KCNH4: variants seen among roughly 807,000 people sequenced by gnomAD.
The protein encoded by KCNH4 is voltage-gated delayed rectifier potassium channel KCNH4.
A neutral mutation model predicts 90.7 loss-of-function variants in KCNH4; 33 were observed. That is an observed-to-expected ratio of 0.36 (90% CI 0.28 to 0.49). KCNH4 has a LOEUF of 0.49. Ranked by LOEUF, KCNH4 falls within the 20% of genes least tolerant of loss-of-function variation. KCNH4 has a pLI of 0.98. For synonymous variants in KCNH4, 551 were observed against 581.7 expected, an observed-to-expected ratio of 0.95 and a Z score of 0.76; for missense variants, 1,044 against 1,387.1, an observed-to-expected ratio of 0.75 and a Z score of 3.93.
At position 42,163,122 on chromosome 17, in the gene KCNH4, C is replaced by T; in HGVS notation, c.2584+106G>A. On this transcript the variant is annotated intron_variant, in intron 14 of 16. Transcript: ENST00000264661. This position sits in a 1 kb window ranked among gnomAD's most constrained non-coding sequence, Gnocchi z 5.4. ...GCCAGGTCTGTTTTATCTGTGTATTCCCAGGATGGCACCTGGCACATGGTA... is the reference window on the plus strand; with the variant it reads ...GCCAGGTCTGTTTTATCTGTGTATTTCCAGGATGGCACCTGGCACATGGTA... 1.3e-6 allele frequency: 1 copy of T among 793,564 alleles called. No homozygotes were observed. Among genetic ancestry groups the T allele is most frequent in the Non-Finnish European group, 2.2e-6 (1 of 451,230 alleles). The allele number at this position is 793,564 out of a possible 1,614,324, so 49.2% of individuals were successfully genotyped here.
At chr17:42,162,119 A>AT (rs1180011050) in intron 15 of KCNH4, 129 bp downstream of exon 15, 7 of 726,040 alleles carry the variant, frequency 9.6e-6, no homozygotes, top group Middle Eastern at 2.6e-4. Flanking sequence ...TAATTTTTGT[A>AT]TTTTTTAGCA....
In KCNH4 at chr17:42,173,693, CTTTTTTTTTT is replaced by C. The variant is rs532100884; in HGVS notation, c.988-1708_988-1699del. On this transcript the variant is annotated intron_variant, in intron 6 of 16. Transcript: ENST00000264661. ...AGACTGGAAGTTTAGCGATCTGGTTCTTTTTTTTTTTTTTTTTTTTTTTTTTTTTGAGACA... is the reference window on the plus strand; with the variant it reads ...AGACTGGAAGTTTAGCGATCTGGTTCTTTTTTTTTTTTTTTTTTTGAGACA... Among the ~76,000 whole-genome samples the C allele has an allele frequency of 8.0e-4, 53 of 66,272 alleles. 1 individual carries two copies. In the East Asian group the frequency reaches 0.013, roughly 17 times the overall value. 43.5% of individuals were successfully genotyped at this position (66,272 alleles called of 152,430 possible).
At chr17:42,165,726 G>T (rs1320781970) in intron 10 of KCNH4, 33 bp from the exon 11 acceptor site, 3 of 1,612,424 alleles carry the variant, frequency 1.9e-6, no homozygotes, top group Non-Finnish European at 2.5e-6. Context: ...GTCAGCTGGG[G>T]CAGTGAGAAC....
At position 42,163,794 on chromosome 17, in the gene KCNH4, G is replaced by C; in HGVS notation, c.2289C>G (p.Gly763=). 1.3e-6 allele frequency: 2 copies of C among 1,540,466 alleles called. No individual in the cohort carries two copies. The highest frequency in any genetic ancestry group is 1.7e-6 in the Non-Finnish European group (2 of 1,144,086). ...RPRGSLVSLL[G]EELPPFSALV... is the part of the protein sequence containing the mutation. ...GGGCTGAGAATGGGGGCAGCTCCTC[G>C]CCCAAAAGGCTGACCAGGGAGCCCC... is the stretch of plus-strand genomic sequence containing the variant. The change falls in exon 13 of 17, where the codon GGC becomes GGG. Residue 763 remains glycine (G), a synonymous_variant. Coordinates refer to ENST00000264661, the MANE Select transcript of KCNH4 (RefSeq NM_012285.3). This position sits in a 1 kb window ranked among gnomAD's most constrained non-coding sequence, Gnocchi z 5.4.
Position 42,163,782 on chromosome 17 carries a change from G to C in KCNH4, c.2301C>G (p.Pro767=). The C allele has an allele frequency of 6.4e-7, 1 of 1,550,476 alleles. No individual in the cohort carries two copies. Among genetic ancestry groups the C allele is most frequent in the Non-Finnish European group, 8.7e-7 (1 of 1,149,358 alleles). ...GAGAGGAGACAAGGGCTGAGAATGG[G>C]GGCAGCTCCTCGCCCAAAAGGCTGA... ...SLVSLLGEEL[P]PFSALVSSPS... is the part of the protein sequence containing the mutation. Residue 767 remains proline, a synonymous_variant, in exon 13 of 17, where the codon CCC becomes CCG. Coordinates refer to ENST00000264661, the MANE Select transcript of KCNH4 (RefSeq NM_012285.3). This position sits in a 1 kb window ranked among gnomAD's most constrained non-coding sequence, Gnocchi z 5.4.
chr17:42,171,697 G>A (rs980682184), intron 7 of KCNH4, 91 bp downstream of exon 7: 1 of 1,099,564 alleles, frequency 9.1e-7, no homozygotes, highest in African/African-American at 1.5e-5. Flanking sequence ...GAGGAATGTG[G>A]GATGAGGGGT....
At position 42,166,462 on chromosome 17, in the gene KCNH4, C is replaced by T; in HGVS notation, c.1675G>A (p.Ala559Thr). The T allele has an allele frequency of 6.2e-7, 1 of 1,614,104 alleles. No homozygotes were observed. Among genetic ancestry groups the T allele is most frequent in the Non-Finnish European group, 8.5e-7 (1 of 1,179,986 alleles). ...REILQLPLFGAASRGCLRALS... is the reference protein window; with the variant it reads ...REILQLPLFGTASRGCLRALS... ...GCCCGCAGGCAGCCCCTGCTCGCTG[C>T]CCCGAACAACGGCAGCTGCAGGATC... The change falls in exon 10 of 17, where the codon GCA becomes ACA. Residue 559 changes from alanine (A) to threonine (T), a missense_variant. Coordinates refer to ENST00000264661, the MANE Select transcript of KCNH4 (RefSeq NM_012285.3).
At chr17:42,171,429 T>C (rs2079826138) in intron 7 of KCNH4, among the ~76,000 whole-genome samples, 1 of 152,026 alleles carries the variant, frequency 6.6e-6, no homozygotes, top group African/African-American at 2.4e-5. Context: ...CCATGAAGCT[T>C]GGAGAAGAAG....
At position 42,171,814 on chromosome 17, in the gene KCNH4, G is replaced by A; in HGVS notation, c.1169C>T (p.Ala390Val). 4.3e-6 allele frequency: 7 copies of A among 1,614,134 alleles called. No individual in the cohort carries two copies. The highest frequency in any genetic ancestry group is 5.9e-6 in the Non-Finnish European group (7 of 1,180,022). The part of the protein sequence containing the change: ...WYVIGRREME[A>V]NDPLLWDIGW... The stretch of plus-strand genomic sequence containing the variant: ...AATGTCCCAGAGCAGCGGGTCATTG[G>A]CCTCCATCTCCCGGCGCCCGATGAC... Residue 390 changes from alanine (A) to valine (V), a missense_variant, in exon 7 of 17, where the codon GCC becomes GTC. Around this residue, in one of 4 missense-constraint regions of KCNH4, gnomAD observed 318 missense variants for 479.6 expected, o/e 0.66. Coordinates refer to ENST00000264661, the MANE Select transcript of KCNH4 (RefSeq NM_012285.3).
chr17:42,174,245 A>G (rs745628026), intron 6 of KCNH4, among the ~76,000 whole-genome samples: 6 of 152,134 alleles, frequency 3.9e-5, no homozygotes, highest in Non-Finnish European at 7.4e-5. Flanking sequence ...AACCTCTCTG[A>G]GCCTCTGTAC....
rs1414871154 is a variant in KCNH4 at position 42,163,334 on chromosome 17, C to A, written c.2478G>T (p.Arg826=). Residue 826 remains arginine, a splice_region_variant and synonymous_variant, in exon 14 of 17, where the codon CGG becomes CGT. Transcript: ENST00000264661. The surrounding 1 kb of genome is among the most constrained non-coding windows in gnomAD (Gnocchi z 5.4). ...GTFGPPDLSP[R]IVDGIEDSGS... The stretch of plus-strand genomic sequence containing the variant: ...CAGAGTCCTCAATGCCATCCACTAT[C>A]CTGGGAACAGGGCAGTGCTCATCAG... The A allele has an allele frequency of 6.2e-7, 1 of 1,611,240 alleles. No individual in the cohort carries two copies. Among genetic ancestry groups the A allele is most frequent in the Admixed American group, 1.7e-5 (1 of 60,004 alleles).
chr17:42,158,147 C>T (rs900820052), intron 16 of KCNH4, among the ~76,000 whole-genome samples: 2 of 151,774 alleles, frequency 1.3e-5, no homozygotes, highest in Non-Finnish European at 2.9e-5. Context: ...AGGCTGGTCT[C>T]GAACTCCAGA....
intron 16 of KCNH4, among the ~76,000 whole-genome samples, chr17:42,157,653 G>C (rs2079718471): frequency 6.6e-6 from 1 of 152,154 alleles, no homozygotes; most frequent in Admixed American, 6.5e-5. Context: ...TGTCACCCAG[G>C]CTGGAGTGCA....
chr17:42,168,250 C>T (rs957169656), intron 9 of KCNH4, among the ~76,000 whole-genome samples: 2 of 152,186 alleles, frequency 1.3e-5, no homozygotes, highest in African/African-American at 4.8e-5. Flanking sequence ...CTGTGCCCAG[C>T]ACCAAGGCTG....
chr17:42,164,896 A>G (rs1461713697), intron 11 of KCNH4, among the ~76,000 whole-genome samples: 1 of 151,950 alleles, frequency 6.6e-6, no homozygotes. Flanking sequence ...ACCTGAGGTC[A>G]GGAGTTCAAG....
At chr17:42,168,384 G>A (rs2079802072) in intron 9 of KCNH4, among the ~76,000 whole-genome samples, 1 of 152,186 alleles carries the variant, frequency 6.6e-6, no homozygotes, top group African/African-American at 2.4e-5. Flanking sequence ...GGTGGTGCAC[G>A]CCTGTAATCC....
Position 42,180,829 on chromosome 17 carries a change from C to T in KCNH4, c.76+41G>A. The stretch of plus-strand genomic sequence containing the variant: ...CGAGACGGCCCCGAGGATACTTGCC[C>T]CCCAGCTCGAACCTCAAGCCCCGAC... On this transcript the variant is annotated intron_variant, in intron 1 of 16. Coordinates refer to ENST00000264661, the MANE Select transcript of KCNH4 (RefSeq NM_012285.3). The surrounding 1 kb of genome is among the most constrained non-coding windows in gnomAD (Gnocchi z 4.7). 2 of 1,593,446 alleles carry T rather than the reference C, an allele frequency of 1.3e-6. No homozygotes were observed.
At position 42,164,140 on chromosome 17, in the gene KCNH4, C is replaced by T. The variant is rs377112664; in HGVS notation, c.2114G>A (p.Arg705His). ...GGAAGTGGGTGTTACCTGGGAGAGGCGAGGGGATCGGGAAAAGCGGCTGAG... is the reference window on the plus strand; with the variant it reads ...GGAAGTGGGTGTTACCTGGGAGAGGTGAGGGGATCGGGAAAAGCGGCTGAG... ...SGLSRFSRSP[R>H]LSQPRSESLG... is the part of the protein sequence containing the mutation. The change falls in exon 12 of 17, where the codon CGC becomes CAC. Residue 705 changes from arginine (R) to histidine (H), a missense_variant. Arg to His is a conservative substitution (Grantham distance 29, BLOSUM62 0). Transcript: ENST00000264661. 9 of 1,551,044 alleles carry T rather than the reference C, an allele frequency of 5.8e-6. 1 individual carries two copies. Among genetic ancestry groups the T allele is most frequent in the East Asian group, 2.4e-5 (1 of 41,198 alleles).
chr17:42,165,204 A>G (rs2079778506), intron 11 of KCNH4, among the ~76,000 whole-genome samples: 1 of 151,558 alleles, frequency 6.6e-6, no homozygotes, highest in Non-Finnish European at 1.5e-5. Flanking sequence ...GGTGGTCAGC[A>G]GGAGATGGGG....
Sources: allele counts gnomAD v4.1 joint callset (sites outside exome capture counted in the v4.1 genomes callset), GRCh38; gene constraint gnomAD v4.1.1; regional missense constraint gnomAD v4.1.1; non-coding constraint Gnocchi (gnomAD v3.1); transcripts MANE v1.5; gene names NCBI Gene and HGNC (gene_info 2026-07-23, HGNC 2026-07-21).